Variants in FRMD3 observed in about 807,000 individuals in gnomAD.
The protein encoded by FRMD3 is FERM domain-containing protein 3.
In FRMD3, 33 loss-of-function variants were observed where a neutral mutation model predicts 70.2. That is an observed-to-expected ratio of 0.47 (90% CI 0.36 to 0.63). FRMD3 has a LOEUF of 0.63. Among genes scored for constraint, FRMD3 ranks in the 20% least tolerant of loss-of-function variants. The pLI is 0.00. For missense variants in FRMD3, 632 were observed against 711.4 expected, an observed-to-expected ratio of 0.89 and a Z score of 1.27; for synonymous variants, 279 against 255.9, an observed-to-expected ratio of 1.09 and a Z score of -0.86.
At chr9:83,309,434 TA>T in intron 10 of FRMD3, 101 bp downstream of exon 10, 1 of 678,626 alleles carries the variant, frequency 1.5e-6, no homozygotes, top group Non-Finnish European at 2.5e-6. Flanking sequence ...ATATAACTTT[TA>T]AAACTGTATT....
chr9:83,490,486 C>T (rs1453380906), intron 1 of FRMD3, among the ~76,000 whole-genome samples: 2 of 151,996 alleles, frequency 1.3e-5, no homozygotes, highest in Admixed American at 1.3e-4. Context: ...GACAGGATTT[C>T]GCCAAGGATG....
In FRMD3 at chr9:83,506,266, T is replaced by C. The variant is rs114507720; in HGVS notation, c.147+31819A>G. ...AAACTAGAAGCAACCTAAATGTCTATCAATAATGTTTTAAAGAAACCAAAT... is the reference window on the plus strand; with the variant it reads ...AAACTAGAAGCAACCTAAATGTCTACCAATAATGTTTTAAAGAAACCAAAT... On this transcript the variant is annotated intron_variant, in intron 1 of 13. Coordinates refer to ENST00000304195, the MANE Select transcript of FRMD3 (RefSeq NM_174938.6). 2.7e-3 allele frequency among the ~76,000 whole-genome samples: 416 copies of C among 152,330 alleles called. 2 individuals are homozygous for C. Among genetic ancestry groups the C allele is most frequent in the African/African-American group, 9.4e-3 (392 of 41,574 alleles).
intron 10 of FRMD3, among the ~76,000 whole-genome samples, chr9:83,300,597 C>T (rs2131014645): frequency 6.6e-6 from 1 of 152,280 alleles, no homozygotes; most frequent in African/African-American, 2.4e-5. Flanking sequence ...GTGCAATATA[C>T]ACTAATTGAC....
chr9:83,438,689 C>T (rs989700775), intron 1 of FRMD3, among the ~76,000 whole-genome samples: 11 of 152,304 alleles, frequency 7.2e-5, no homozygotes, highest in African/African-American at 1.2e-4. Context: ...CGTGAGCCAC[C>T]GCATCCAGCA....
the FRMD3 span, among the ~76,000 whole-genome samples, chr9:83,550,127 T>C: frequency 6.6e-6 from 1 of 152,212 alleles, no homozygotes; most frequent in African/African-American, 2.4e-5. Context: ...GACGTTTAGA[T>C]ATGATGTAAG....
Position 83,536,930 on chromosome 9 carries a change from TAAAAAAAA to T in FRMD3, c.147+1147_147+1154del, listed in dbSNP as rs142272516. 1.1e-3 allele frequency among the ~76,000 whole-genome samples: 64 copies of T among 60,898 alleles called. 4 individuals carry two copies. The highest frequency in any genetic ancestry group is 3.6e-3 in the African/African-American group (59 of 16,414). 40.0% of individuals were successfully genotyped at this position (60,898 alleles called of 152,430 possible). On this transcript the variant is annotated intron_variant, in intron 1 of 13. Transcript: ENST00000304195. ...ATGGGTGGTGTGCCCTGTATTACAC[TAAAAAAAA>T]AAAAAAAAAAAAAAAGCTCAGTCCC... is the stretch of plus-strand genomic sequence containing the variant.
chr9:83,379,577 A>G (rs554969885), intron 2 of FRMD3, among the ~76,000 whole-genome samples: 16 of 152,172 alleles, frequency 1.1e-4, no homozygotes, highest in Non-Finnish European at 2.2e-4. Flanking sequence ...TGATTCTACA[A>G]AATGAACTAG....
chr9:83,407,921 C>T (rs1296276587), intron 1 of FRMD3, among the ~76,000 whole-genome samples: 1 of 144,046 alleles, frequency 6.9e-6, no homozygotes, highest in Non-Finnish European at 1.5e-5. Flanking sequence ...CTCTCTCCCT[C>T]CCCTTTCTCT....
chr9:83,356,669 T>C (rs936314781), intron 3 of FRMD3, among the ~76,000 whole-genome samples: 4 of 151,910 alleles, frequency 2.6e-5, no homozygotes, highest in South Asian at 2.1e-4. Context: ...GGACTATACA[T>C]ACAAACTCAC....
chr9:83,405,710 C>T (rs1826080898), intron 1 of FRMD3, among the ~76,000 whole-genome samples: 2 of 151,112 alleles, frequency 1.3e-5, no homozygotes, highest in Admixed American at 6.6e-5. Context: ...TGTGGTGAGC[C>T]AAGATCGCGC....
chr9:83,258,189 C>G (rs377438487), intron 13 of FRMD3, among the ~76,000 whole-genome samples: 52 of 152,290 alleles, frequency 3.4e-4, no homozygotes, highest in African/African-American at 1.2e-3. Context: ...CACAACACAA[C>G]CTACTCAGCA....
At chr9:83,555,140 G>T in the FRMD3 span, among the ~76,000 whole-genome samples, 1 of 152,334 alleles carries the variant, frequency 6.6e-6, no homozygotes, top group Admixed American at 6.5e-5. Flanking sequence ...CCACGTTTTG[G>T]TAGAGTACCT....
At chr9:83,446,982 T>A (rs1367129198) in intron 1 of FRMD3, among the ~76,000 whole-genome samples, 1 of 149,050 alleles carries the variant, frequency 6.7e-6, no homozygotes, top group East Asian at 2.0e-4. Flanking sequence ...AGACAGCAGA[T>A]CAGGGTTTTT....
intron 13 of FRMD3, among the ~76,000 whole-genome samples, chr9:83,250,945 A>C (rs1234799213): frequency 6.6e-6 from 1 of 152,138 alleles, no homozygotes; most frequent in Non-Finnish European, 1.5e-5. Flanking sequence ...CCTGCTTTGG[A>C]AACAGAGGCA....
chr9:83,491,652 A>G (rs1828828710), intron 1 of FRMD3, among the ~76,000 whole-genome samples: 1 of 152,196 alleles, frequency 6.6e-6, no homozygotes. Flanking sequence ...TCCTTCCACA[A>G]AAATCCTCAC....
intron 1 of FRMD3, among the ~76,000 whole-genome samples, chr9:83,427,773 ATAAAACT>A (rs1007079727): frequency 3.3e-5 from 5 of 152,232 alleles, no homozygotes; most frequent in Non-Finnish European, 7.3e-5. Flanking sequence ...TTCACAGAAG[ATAAAACT>A]TAAAAGGCCA....
intron 13 of FRMD3, among the ~76,000 whole-genome samples, chr9:83,251,184 A>G (rs1443200547): frequency 6.6e-6 from 1 of 152,198 alleles, no homozygotes; most frequent in Non-Finnish European, 1.5e-5. Context: ...TTGCTGTTTC[A>G]TAGCCTTCAC....
chr9:83,266,967 C>G lies in FRMD3; in HGVS notation c.1196-18451G>C, dbSNP rs773281171. The G allele has an allele frequency of 1.3e-5, 20 of 1,534,962 alleles. No individual in the cohort carries two copies. The East Asian group carries it at 3.7e-4, about 28-fold the overall frequency. On this transcript the variant is annotated intron_variant, in intron 13 of 13. Transcript: ENST00000304195. ...AGCAGTGAGCAGGAAGCTGGAAGCC[C>G]GCACACTTCAGGAACAGGATGACAG...
intron 3 of FRMD3, among the ~76,000 whole-genome samples, chr9:83,369,178 T>G (rs1240438798): frequency 2.0e-5 from 3 of 152,234 alleles, no homozygotes; most frequent in Non-Finnish European, 4.4e-5. Context: ...TTAGCACAGA[T>G]GTACTTTCAC....
Sources: allele counts gnomAD v4.1 joint callset (sites outside exome capture counted in the v4.1 genomes callset), GRCh38; gene constraint gnomAD v4.1.1; transcripts MANE v1.5; gene names NCBI Gene and HGNC (gene_info 2026-07-23, HGNC 2026-07-21).